KLHL29: variants seen among roughly 807,000 people sequenced by gnomAD.
The protein encoded by KLHL29 is kelch like family member 29.
KLHL29 carries 21 observed loss-of-function variants against 80.4 expected under a neutral mutation model. That is an observed-to-expected ratio of 0.26 (90% CI 0.19 to 0.38). The LOEUF (loss-of-function observed/expected upper bound fraction) is 0.38, where lower values mean the gene tolerates loss of function less well. Among genes scored for constraint, KLHL29 ranks in the 10% least tolerant of loss-of-function variants. KLHL29 has a pLI of 1.00. For synonymous variants in KLHL29, 511 were observed against 526.8 expected, an observed-to-expected ratio of 0.97 and a Z score of 0.41; for missense variants, 867 against 1,223.9, an observed-to-expected ratio of 0.71 and a Z score of 4.35.
At chr2:23,472,730 T>C (rs1250688651) in intron 1 of KLHL29, among the ~76,000 whole-genome samples, 1 of 152,208 alleles carries the variant, frequency 6.6e-6, no homozygotes. Flanking sequence ...ATTCTCTGTA[T>C]TTCCTCAATT....
At chr2:23,434,165 C>CA (rs966900295) in intron 1 of KLHL29, among the ~76,000 whole-genome samples, 3 of 151,754 alleles carry the variant, frequency 2.0e-5, no homozygotes, top group African/African-American at 7.3e-5. Context: ...ACTAAAAATA[C>CA]AAAAAATTAG....
chr2:23,673,066 G>A (rs1272335889), intron 5 of KLHL29, among the ~76,000 whole-genome samples: 4 of 152,156 alleles, frequency 2.6e-5, no homozygotes, highest in African/African-American at 9.7e-5. Context: ...TGATGGGTTG[G>A]TTTGCTTGTT....
chr2:23,493,063 G>T (rs184443264), intron 2 of KLHL29, among the ~76,000 whole-genome samples: 1 of 152,172 alleles, frequency 6.6e-6, no homozygotes, highest in Non-Finnish European at 1.5e-5. Context: ...TTCAAGCTCC[G>T]TTCCTGCTCT....
At position 23,703,207 on chromosome 2, in the gene KLHL29, A is replaced by G. The variant is rs377439401; in HGVS notation, c.2127A>G (p.Gln709=). The part of the protein sequence containing the change: ...HVERYDTITN[Q]WEAVAPLPKA... ...GCAGGTACGACACCATCACCAACCA[A>G]TGGGAGGCGGTGGCCCCTCTGCCCA... Residue 709 remains glutamine, a synonymous_variant, in exon 12 of 14, where the codon CAA becomes CAG. Coordinates refer to ENST00000486442, the MANE Select transcript of KLHL29 (RefSeq NM_052920.2). 125 of 1,463,226 alleles carry G rather than the reference A, an allele frequency of 8.5e-5. No individual in the cohort carries two copies. The African/African-American group carries it at 1.5e-3, about 17-fold the overall frequency. The allele number at this position is 1,463,226 out of a possible 1,614,324, so 90.6% of individuals were successfully genotyped here. A position where few individuals can be genotyped will look rare whatever the true frequency, so the allele number is the denominator to read the frequency against.
intron 1 of KLHL29, among the ~76,000 whole-genome samples, chr2:23,397,163 G>T (rs1433475735): frequency 1.3e-5 from 2 of 152,168 alleles, no homozygotes; most frequent in Admixed American, 1.3e-4. Context: ...CTCGTCAGGA[G>T]AGCAGCTCCT....
chr2:23,604,419 A>G (rs962404576), intron 3 of KLHL29, among the ~76,000 whole-genome samples: 1 of 152,240 alleles, frequency 6.6e-6, no homozygotes, highest in Middle Eastern at 3.4e-3. Context: ...TATTCTCTAT[A>G]ACTGAGGCAG....
intron 11 of KLHL29, among the ~76,000 whole-genome samples, chr2:23,698,474 T>C (rs1267890346): frequency 6.6e-6 from 1 of 152,130 alleles, no homozygotes; most frequent in Non-Finnish European, 1.5e-5. Context: ...GTCAGGGTAA[T>C]GGGGACAGAC....
intron 2 of KLHL29, among the ~76,000 whole-genome samples, chr2:23,479,228 G>A (rs1423684725): frequency 1.3e-5 from 2 of 151,358 alleles, no homozygotes; most frequent in South Asian, 2.1e-4. Flanking sequence ...CCCTGAAAAG[G>A]CCGTGTGACC....
At chr2:23,627,908 G>GTTT (rs1553347328) in intron 3 of KLHL29, among the ~76,000 whole-genome samples, 1 of 37,298 alleles carries the variant, frequency 2.7e-5, no homozygotes, top group Non-Finnish European at 4.4e-5. Flanking sequence ...GAGGCCAGGA[G>GTTT]TCTTTTTTTT....
intron 1 of KLHL29, among the ~76,000 whole-genome samples, chr2:23,400,320 C>T (rs10173248): frequency 0.33 from 49,864 of 152,058 alleles, 8,603 homozygotes; most frequent in Middle Eastern, 0.39. Context: ...TGGATTGAAG[C>T]CTTGAGGCTG....
At chr2:23,664,473 C>T (rs560615689) in intron 5 of KLHL29, among the ~76,000 whole-genome samples, 5 of 152,346 alleles carry the variant, frequency 3.3e-5, no homozygotes, top group African/African-American at 9.6e-5. Context: ...TCTCTGGATT[C>T]TGGGCTTTGG....
intron 2 of KLHL29, among the ~76,000 whole-genome samples, chr2:23,535,648 C>T (rs1199928199): frequency 1.3e-5 from 2 of 152,084 alleles, no homozygotes; most frequent in Admixed American, 6.5e-5. Context: ...ATGAGATGAG[C>T]CAGACAAAGG....
At chr2:23,494,070 A>G (rs1174598775) in intron 2 of KLHL29, among the ~76,000 whole-genome samples, 1 of 152,244 alleles carries the variant, frequency 6.6e-6, no homozygotes, top group Non-Finnish European at 1.5e-5. Context: ...ATCTGAGAAT[A>G]CAAATTATAA....
At chr2:23,548,461 G>A (rs941339792) in intron 2 of KLHL29, among the ~76,000 whole-genome samples, 8 of 152,208 alleles carry the variant, frequency 5.3e-5, no homozygotes, top group Non-Finnish European at 1.5e-5. Context: ...TGATAGAGTT[G>A]CATGTCCCCA....
At chr2:23,502,914 G>A (rs1665495167) in intron 2 of KLHL29, among the ~76,000 whole-genome samples, 2 of 152,186 alleles carry the variant, frequency 1.3e-5, no homozygotes, top group South Asian at 4.1e-4. Flanking sequence ...CACTGGCTTG[G>A]TTACTAAAAT....
At position 23,536,041 on chromosome 2, in the gene KLHL29, G is replaced by A. The variant is rs73919745; in HGVS notation, c.-45-26111G>A. 2.0e-3 allele frequency among the ~76,000 whole-genome samples: 301 copies of A among 152,294 alleles called. 5 individuals are homozygous for A. In the South Asian group the frequency reaches 0.046, roughly 23 times the overall value. ...ATCATTCAGGGGACTGCTTAGCAGA[G>A]GATGTGGTTTCTGGTCTGAGAATCA... On this transcript the variant is annotated intron_variant, in intron 2 of 13. Transcript: ENST00000486442.
chr2:23,443,352 C>T (rs893648259), intron 1 of KLHL29, among the ~76,000 whole-genome samples: 1 of 152,174 alleles, frequency 6.6e-6, no homozygotes, highest in Non-Finnish European at 1.5e-5. Flanking sequence ...AAAAATTCTC[C>T]ACAATCATCT....
chr2:23,576,624 A>G (rs867026371), intron 3 of KLHL29, among the ~76,000 whole-genome samples: 2 of 152,226 alleles, frequency 1.3e-5, no homozygotes, highest in Non-Finnish European at 2.9e-5. Flanking sequence ...CACCGGGCTG[A>G]TGGGGCCCCA....
intron 2 of KLHL29, among the ~76,000 whole-genome samples, chr2:23,507,993 T>C (rs1022371912): frequency 6.6e-6 from 1 of 152,174 alleles, no homozygotes; most frequent in African/African-American, 2.4e-5. Context: ...GACAAGGCCA[T>C]AGAAGTTAGT....
Sources: gnomAD v4.1 joint callset for allele counts (sites outside exome capture counted in the v4.1 genomes callset) on GRCh38, gnomAD v4.1.1 for gene constraint, MANE v1.5 for transcripts, NCBI Gene and HGNC (gene_info 2026-07-23, HGNC 2026-07-21) for gene names.